PRKCB: variants seen among roughly 807,000 people sequenced by gnomAD.
The protein encoded by PRKCB is protein kinase C beta type.
In PRKCB, 13 loss-of-function variants were observed where a neutral mutation model predicts 81.5. That is an observed-to-expected ratio of 0.16 (90% CI 0.10 to 0.25). The LOEUF is 0.25. Among genes scored for constraint, PRKCB ranks in the 10% least tolerant of loss-of-function variants. The pLI is 1.00. For missense variants in PRKCB, 509 were observed against 875.7 expected (o/e 0.58, Z 5.29); for synonymous variants, 335 against 321.4 (o/e 1.04, Z -0.45).
intron 12 of PRKCB, among the ~76,000 whole-genome samples, chr16:24,175,670 G>A (rs1450688274): frequency 6.6e-6 from 1 of 151,734 alleles, no homozygotes. Flanking sequence ...TGCGGGATAT[G>A]GGATTAAAAG....
intron 2 of PRKCB, among the ~76,000 whole-genome samples, chr16:23,945,401 A>G (rs1964192046): frequency 6.6e-6 from 1 of 152,178 alleles, no homozygotes; most frequent in South Asian, 2.1e-4. Context: ...TCCTTCCCTC[A>G]TTTGTCACAG....
At chr16:24,052,767 A>G (rs1337410112) in intron 5 of PRKCB, among the ~76,000 whole-genome samples, 1 of 152,128 alleles carries the variant, frequency 6.6e-6, no homozygotes, top group Admixed American at 6.5e-5. Context: ...GTTTTGGAGG[A>G]TTTTGACCTA....
Position 23,999,028 on chromosome 16 carries a change from G to T in PRKCB, c.288+10438G>T, listed in dbSNP as rs918686379. On this transcript the variant is annotated intron_variant, in intron 3 of 16. Coordinates refer to ENST00000643927, the MANE Select transcript of PRKCB (RefSeq NM_002738.7). The stretch of plus-strand genomic sequence containing the variant: ...TCTGGATACAGTTCCAAAAAGGTCA[G>T]TTGGCACCAAGGATGATGAATTGGT... Among the ~76,000 whole-genome samples, 3 of 152,266 alleles carry T rather than the reference G, an allele frequency of 2.0e-5. No individual in the cohort carries two copies. The South Asian group carries it at 6.2e-4, about 32-fold the overall frequency.
At chr16:23,889,847 A>C (rs750557729) in intron 2 of PRKCB, among the ~76,000 whole-genome samples, 6 of 152,150 alleles carry the variant, frequency 3.9e-5, no homozygotes, top group Non-Finnish European at 8.8e-5. Flanking sequence ...TCTCTCATCT[A>C]TCATCTATCT....
chr16:24,022,113 A>G (rs1002594559), intron 3 of PRKCB, among the ~76,000 whole-genome samples: 2 of 152,082 alleles, frequency 1.3e-5, no homozygotes, highest in African/African-American at 4.8e-5. Flanking sequence ...GGGATGATCA[A>G]GGGGTGATGC....
intron 16 of PRKCB, among the ~76,000 whole-genome samples, chr16:24,202,393 T>C (rs1307945892): frequency 6.6e-6 from 1 of 152,218 alleles, no homozygotes; most frequent in Non-Finnish European, 1.5e-5. Flanking sequence ...TTTTTCTCAT[T>C]GAGTCATCAA....
intron 10 of PRKCB, among the ~76,000 whole-genome samples, chr16:24,164,065 C>T (rs1378467735): frequency 2.6e-5 from 4 of 152,238 alleles, no homozygotes; most frequent in Non-Finnish European, 4.4e-5. Context: ...ATTCTTGCAG[C>T]AACTTCCCTT....
intron 7 of PRKCB, among the ~76,000 whole-genome samples, chr16:24,097,822 A>G (rs983885882): frequency 7.9e-5 from 12 of 152,292 alleles, no homozygotes; most frequent in African/African-American, 2.4e-4. Flanking sequence ...TCTGATTGGC[A>G]ATTGGTTGAA....
intron 2 of PRKCB, among the ~76,000 whole-genome samples, chr16:23,934,206 A>T (rs777601678): frequency 1.2e-4 from 17 of 145,130 alleles, no homozygotes; most frequent in Admixed American, 1.2e-3. Flanking sequence ...TTAGATAGCT[A>T]TGGTGAGGAG....
At chr16:23,975,085 G>T (rs114056453) in intron 2 of PRKCB, among the ~76,000 whole-genome samples, 1 of 152,198 alleles carries the variant, frequency 6.6e-6, no homozygotes, top group Admixed American at 6.5e-5. Context: ...GGGAGTGGAC[G>T]CTGGGCAGGC....
rs769162586 is a variant in PRKCB at position 24,020,362 on chromosome 16, C to T, written c.289-11774C>T. ...TATTATGTTGGTGCAAAAGTAATTG[C>T]GGTTTTTGCCATTACTTTCAATGGT... On this transcript the variant is annotated intron_variant, in intron 3 of 16. Transcript: ENST00000643927. 9.9e-5 allele frequency among the ~76,000 whole-genome samples: 15 copies of T among 152,232 alleles called. No homozygotes were observed. In the South Asian group the frequency reaches 1.4e-3, roughly 15 times the overall value.
At chr16:23,847,318 CTCTATCTA>C (rs746347042) in intron 2 of PRKCB, among the ~76,000 whole-genome samples, 3,135 of 144,196 alleles carry the variant, frequency 0.022, 120 homozygotes, top group Middle Eastern at 0.029. Flanking sequence ...ATGATCCTGC[CTCTATCTA>C]TCTATCTATC....
At chr16:24,173,414 G>C (rs1967475965) in intron 11 of PRKCB, among the ~76,000 whole-genome samples, 2 of 152,028 alleles carry the variant, frequency 1.3e-5, no homozygotes, top group South Asian at 4.2e-4. Flanking sequence ...ACCCCACCTT[G>C]TCATACTAGA....
chr16:23,926,141 T>G (rs1963893478), intron 2 of PRKCB, among the ~76,000 whole-genome samples: 1 of 151,956 alleles, frequency 6.6e-6, no homozygotes, highest in East Asian at 1.9e-4. Flanking sequence ...CATCGTGTTG[T>G]GTACCTGTGG....
At chr16:24,102,426 C>T (rs1376656924) in intron 7 of PRKCB, among the ~76,000 whole-genome samples, 1 of 152,218 alleles carries the variant, frequency 6.6e-6, no homozygotes, top group Non-Finnish European at 1.5e-5. Flanking sequence ...ATTCTTTGAA[C>T]ATTATGTGAT....
chr16:24,092,109 C>T (rs1966383699), intron 5 of PRKCB, among the ~76,000 whole-genome samples: 1 of 152,212 alleles, frequency 6.6e-6, no homozygotes, highest in Non-Finnish European at 1.5e-5. Context: ...TCATCTCTAT[C>T]TAGTTCTCAG....
rs1441983296 is a variant in PRKCB, at chr16:23,950,136, T to G, written c.206-38372T>G. Among the ~76,000 whole-genome samples, 84 of 135,206 alleles carry G rather than the reference T, an allele frequency of 6.2e-4. 3 individuals are homozygous for G. The highest frequency in any genetic ancestry group is 2.3e-3 in the African/African-American group (75 of 32,906). The allele number at this position is 135,206 out of a possible 152,430, so 88.7% of individuals were successfully genotyped here. A position where few individuals can be genotyped will look rare whatever the true frequency, so the allele number is the denominator to read the frequency against. ...GCATTGGCCCCTATGATTTGAATTT[T>G]TTTTTTTTTTTTTTTTTTTTTTCTG... is the stretch of plus-strand genomic sequence containing the variant. On this transcript the variant is annotated intron_variant, in intron 2 of 16. Coordinates refer to ENST00000643927, the MANE Select transcript of PRKCB (RefSeq NM_002738.7).
Position 24,035,366 on chromosome 16 carries a change from C to T in PRKCB, c.401-53C>T. ...CGGTCTTGGGTGGGGCAGATGTCTG[C>T]AGCCCCCAGCCTGGGCCAGCCTAAG... is the stretch of plus-strand genomic sequence containing the variant. On this transcript the variant is annotated intron_variant, in intron 4 of 16. Transcript: ENST00000643927. 6 of 1,587,868 alleles carry T rather than the reference C, an allele frequency of 3.8e-6. No homozygotes were observed. The South Asian group carries it at 4.6e-5, about 12-fold the overall frequency.
At chr16:24,205,144 CCTT>C (rs1968024715) in intron 16 of PRKCB, among the ~76,000 whole-genome samples, 1 of 141,276 alleles carries the variant, frequency 7.1e-6, no homozygotes, top group African/African-American at 2.5e-5. Context: ...TATTATAATT[CCTT>C]TTTTTTTTTT....
Sources: allele counts gnomAD v4.1 joint callset (sites outside exome capture counted in the v4.1 genomes callset), GRCh38; gene constraint gnomAD v4.1.1; transcripts MANE v1.5; gene names NCBI Gene and HGNC (gene_info 2026-07-23, HGNC 2026-07-21).